The following GBE1 variants were observed in gnomAD, a reference collection of about 807,000 sequenced individuals.
GBE1 encodes the protein 1,4-alpha-glucan branching enzyme 1.
GBE1 carries 70 observed loss-of-function variants against 88.8 expected under a neutral mutation model. That is an observed-to-expected ratio of 0.79 (90% CI 0.65 to 0.96). GBE1 has a LOEUF of 0.96. Among genes scored for constraint, GBE1 ranks in the 40% least tolerant of loss-of-function variants. The pLI is 0.00. For synonymous variants in GBE1, 284 were observed against 300.1 expected (o/e 0.95, Z 0.56); for missense variants, 872 against 871.0 (o/e 1.00, Z -0.01).
intron 14 of GBE1, among the ~76,000 whole-genome samples, chr3:81,505,108 T>G (rs1045025050): frequency 6.6e-5 from 10 of 152,224 alleles, no homozygotes; most frequent in African/African-American, 2.2e-4. Flanking sequence ...CACATCAATA[T>G]TGTAAGATAC....
chr3:81,590,996 A>G, intron 9 of GBE1, 41 bp downstream of exon 9: 1 of 1,560,346 alleles, frequency 6.4e-7, no homozygotes, highest in South Asian at 1.2e-5. Flanking sequence ...AATACTCTCT[A>G]TTAAAGGGGG....
chr3:81,598,207 A>T (rs535344190), intron 7 of GBE1, among the ~76,000 whole-genome samples: 1 of 152,124 alleles, frequency 6.6e-6, no homozygotes, highest in East Asian at 1.9e-4. Context: ...AATAAGAGAC[A>T]TTACTAAGCA....
intron 12 of GBE1, among the ~76,000 whole-genome samples, chr3:81,547,100 G>A (rs1052826199): frequency 3.3e-5 from 5 of 151,272 alleles, no homozygotes; most frequent in East Asian, 1.9e-4. Flanking sequence ...ACCAATTGGC[G>A]AACTTTCGGC....
At chr3:81,512,039 T>G (rs1173341087) in intron 14 of GBE1, among the ~76,000 whole-genome samples, 1 of 152,002 alleles carries the variant, frequency 6.6e-6, no homozygotes. Flanking sequence ...CCATATCTTT[T>G]GCAGCAACAT....
chr3:81,689,669 T>G (rs943637881), intron 2 of GBE1, among the ~76,000 whole-genome samples: 1 of 152,162 alleles, frequency 6.6e-6, no homozygotes, highest in Non-Finnish European at 1.5e-5. Context: ...GCGAGTCCAC[T>G]CCACCATTTT....
intron 3 of GBE1, among the ~76,000 whole-genome samples, chr3:81,662,798 T>C (rs1705049484): frequency 6.6e-6 from 1 of 152,228 alleles, no homozygotes; most frequent in African/African-American, 2.4e-5. Context: ...CTTTAGTCAG[T>C]CAAACTGCCT....
intron 1 of GBE1, among the ~76,000 whole-genome samples, chr3:81,734,012 CAA>C (rs764724540): frequency 1.3e-5 from 2 of 152,204 alleles, no homozygotes; most frequent in African/African-American, 4.8e-5. Context: ...TAAATACAAA[CAA>C]GATTTTATTT....
rs776710850 is a variant in GBE1 at position 81,557,461 on chromosome 3, AGAAG to A, written c.1619-20370_1619-20367del. 1.5e-3 allele frequency among the ~76,000 whole-genome samples: 235 copies of A among 152,076 alleles called. 1 individual carries two copies. The highest frequency in any genetic ancestry group is 4.6e-3 in the Admixed American group (70 of 15,228). ...CCAGAATAATGAGGATAAAGAAGAAAGAAGGAAGAGGAAGAGGGAAGGAGGAAGG... is the reference window on the plus strand; with the variant it reads ...CCAGAATAATGAGGATAAAGAAGAAAGAAGAGGAAGAGGGAAGGAGGAAGG... On this transcript the variant is annotated intron_variant, in intron 12 of 15. Coordinates refer to ENST00000429644, the MANE Select transcript of GBE1 (RefSeq NM_000158.4).
rs148957757 is a variant in GBE1 at position 81,699,409 on chromosome 3, C to T, written c.313+6035G>A. The stretch of plus-strand genomic sequence containing the variant: ...CTGTATACCACAAAGATGGGTCATA[C>T]GTTATTGTTCCCAATTTTTCATGAG... On this transcript the variant is annotated intron_variant, in intron 2 of 15. Coordinates refer to ENST00000429644, the MANE Select transcript of GBE1 (RefSeq NM_000158.4). Among the ~76,000 whole-genome samples the T allele has an allele frequency of 1.1e-3, 161 of 152,150 alleles. No individual in the cohort carries two copies. The East Asian group carries it at 0.014, about 13-fold the overall frequency.
At chr3:81,509,197 A>G (rs981804311) in intron 14 of GBE1, among the ~76,000 whole-genome samples, 2 of 151,468 alleles carry the variant, frequency 1.3e-5, no homozygotes, top group Non-Finnish European at 2.9e-5. Flanking sequence ...TGTTCTCACT[A>G]GAATTTGCTA....
chr3:81,739,097 A>C (rs940268492), intron 1 of GBE1, among the ~76,000 whole-genome samples: 1 of 152,160 alleles, frequency 6.6e-6, no homozygotes, highest in Non-Finnish European at 1.5e-5. Context: ...CCCATTAATG[A>C]GGGTAGAACC....
intron 7 of GBE1, among the ~76,000 whole-genome samples, chr3:81,609,681 G>A (rs1230137542): frequency 6.6e-6 from 1 of 151,904 alleles, no homozygotes; most frequent in Non-Finnish European, 1.5e-5. Flanking sequence ...TGGACTTTAT[G>A]GCAATTGCCT....
intron 15 of GBE1, among the ~76,000 whole-genome samples, chr3:81,497,346 A>G (rs1235688120): frequency 6.6e-6 from 1 of 152,194 alleles, no homozygotes; most frequent in African/African-American, 2.4e-5. Context: ...CGACTGAACA[A>G]TAATTGCCTC....
intron 1 of GBE1, among the ~76,000 whole-genome samples, chr3:81,723,568 C>A (rs1706066953): frequency 6.6e-6 from 1 of 152,140 alleles, no homozygotes; most frequent in Non-Finnish European, 1.5e-5. Flanking sequence ...CTGCCTGTTG[C>A]ACAGAGAATC....
chr3:81,537,588 G>A (rs1027406154), intron 12 of GBE1, among the ~76,000 whole-genome samples: 1 of 151,920 alleles, frequency 6.6e-6, no homozygotes, highest in Non-Finnish European at 1.5e-5. Flanking sequence ...TAAGAGACTT[G>A]CCCAACTTCA....
rs375432035 is a variant in GBE1 at position 81,548,189 on chromosome 3, T to G, written c.1619-11094A>C. On this transcript the variant is annotated intron_variant, in intron 12 of 15. Coordinates refer to ENST00000429644, the MANE Select transcript of GBE1 (RefSeq NM_000158.4). ...ACCGGAATTTGGCTCAAAACAGGTT[T>G]TTCTTAGAGCACTAATCGACACTTT... Among the ~76,000 whole-genome samples the G allele has an allele frequency of 6.6e-4, 100 of 151,738 alleles. 1 individual carries two copies. The highest frequency in any genetic ancestry group is 2.3e-3 in the African/African-American group (96 of 41,508).
At chr3:81,670,365 G>T (rs970178286) in intron 3 of GBE1, among the ~76,000 whole-genome samples, 1 of 152,170 alleles carries the variant, frequency 6.6e-6, no homozygotes, top group Non-Finnish European at 1.5e-5. Flanking sequence ...CATACCACCA[G>T]CATGTCAGAG....
At chr3:81,575,962 C>T (rs1213237601) in intron 12 of GBE1, among the ~76,000 whole-genome samples, 4 of 152,136 alleles carry the variant, frequency 2.6e-5, no homozygotes, top group African/African-American at 7.2e-5. Context: ...CTTACTATTT[C>T]TAGTTTTTTC....
intron 12 of GBE1, among the ~76,000 whole-genome samples, chr3:81,555,165 T>C (rs1451301825): frequency 1.3e-5 from 2 of 152,216 alleles, no homozygotes; most frequent in African/African-American, 4.8e-5. Context: ...GTAATGCTGA[T>C]TTTGATTTTT....
Sources: gnomAD v4.1 joint callset for allele counts (sites outside exome capture counted in the v4.1 genomes callset) on GRCh38, gnomAD v4.1.1 for gene constraint, MANE v1.5 for transcripts, NCBI Gene and HGNC (gene_info 2026-07-23, HGNC 2026-07-21) for gene names.